The following CERS6 variants were observed in gnomAD, a reference collection of about 807,000 sequenced individuals.
CERS6 encodes the protein LAG1 homolog, ceramide synthase 6.
A neutral mutation model predicts 56.8 loss-of-function variants in CERS6; 26 were observed. The observed-to-expected ratio is 0.46, with a 90% confidence interval of 0.34 to 0.63. The LOEUF is 0.63. Among genes scored for constraint, CERS6 ranks in the 30% least tolerant of loss-of-function variants. The pLI is 0.01. For synonymous variants in CERS6, 164 were observed against 173.3 expected, an observed-to-expected ratio of 0.95 and a Z score of 0.42; for missense variants, 415 against 467.5, an observed-to-expected ratio of 0.89 and a Z score of 1.04.
chr2:168,734,336 C>G (rs960307082), intron 8 of CERS6, among the ~76,000 whole-genome samples: 1 of 152,218 alleles, frequency 6.6e-6, no homozygotes, highest in African/African-American at 2.4e-5. Flanking sequence ...GGGGCAGATT[C>G]TGAGGGCACT....
intron 3 of CERS6, among the ~76,000 whole-genome samples, chr2:168,581,926 C>T (rs967939158): frequency 2.0e-5 from 3 of 152,280 alleles, no homozygotes; most frequent in Non-Finnish European, 2.9e-5. Flanking sequence ...CCGGCATGGA[C>T]GATACCCCAG....
At chr2:168,616,281 T>G (rs1166960687) in intron 3 of CERS6, among the ~76,000 whole-genome samples, 1 of 151,736 alleles carries the variant, frequency 6.6e-6, no homozygotes, top group African/African-American at 2.4e-5. Flanking sequence ...AAAGCATAAA[T>G]CTCACAGGAT....
At chr2:168,554,274 C>G (rs1360606516) in intron 2 of CERS6, among the ~76,000 whole-genome samples, 1 of 152,066 alleles carries the variant, frequency 6.6e-6, no homozygotes, top group Non-Finnish European at 1.5e-5. Flanking sequence ...CTTAATTCAT[C>G]TAATAAAAAC....
At chr2:168,664,233 C>G (rs1341773260) in intron 4 of CERS6, among the ~76,000 whole-genome samples, 2 of 152,160 alleles carry the variant, frequency 1.3e-5, no homozygotes, top group Admixed American at 6.5e-5. Flanking sequence ...TGGGGAAGGC[C>G]TTCTGGGTAG....
chr2:168,491,323 C>T (rs1209354147), intron 1 of CERS6, among the ~76,000 whole-genome samples: 1 of 152,220 alleles, frequency 6.6e-6, no homozygotes, highest in Non-Finnish European at 1.5e-5. Flanking sequence ...GGCTGTTTTT[C>T]ATTAAAAGCA....
Position 168,520,299 on chromosome 2 carries a change from G to A in CERS6, c.171-27297G>A, listed in dbSNP as rs114008408. 2.0e-3 allele frequency among the ~76,000 whole-genome samples: 308 copies of A among 152,134 alleles called. 1 individual carries two copies. The highest frequency in any genetic ancestry group is 6.8e-3 in the Middle Eastern group (2 of 294). ...GGTTGTTTTATTTTCTCGTTGATTC[G>A]TTTAAGTTCCTTATAGATTCTGGAT... On this transcript the variant is annotated intron_variant, in intron 1 of 9. Transcript: ENST00000305747.
At chr2:168,614,184 T>G (rs1372096012) in intron 3 of CERS6, among the ~76,000 whole-genome samples, 2 of 152,248 alleles carry the variant, frequency 1.3e-5, no homozygotes, top group African/African-American at 4.8e-5. Flanking sequence ...CAACTACATT[T>G]GTTTTCAATT....
intron 3 of CERS6, among the ~76,000 whole-genome samples, chr2:168,562,707 G>A (rs1199023049): frequency 3.3e-5 from 5 of 152,204 alleles, no homozygotes; most frequent in African/African-American, 1.2e-4. Flanking sequence ...CAAATGTATA[G>A]TCGGGTTTTA....
intron 3 of CERS6, among the ~76,000 whole-genome samples, chr2:168,625,136 A>G (rs960941583): frequency 1.3e-5 from 2 of 152,204 alleles, no homozygotes; most frequent in African/African-American, 2.4e-5. Context: ...TTTTATTTAG[A>G]TGATGGAAAA....
intron 3 of CERS6, among the ~76,000 whole-genome samples, chr2:168,562,239 A>T (rs1423042906): frequency 6.6e-6 from 1 of 152,130 alleles, no homozygotes; most frequent in Non-Finnish European, 1.5e-5. Flanking sequence ...ATGTGAAAAA[A>T]GTGTTTCAGT....
At chr2:168,652,088 TA>T (rs916602223) in intron 4 of CERS6, among the ~76,000 whole-genome samples, 312 of 140,726 alleles carry the variant, frequency 2.2e-3, no homozygotes, top group Admixed American at 3.0e-3. Context: ...CCTTAAGACT[TA>T]AAAAAAAAAA....
intron 3 of CERS6, among the ~76,000 whole-genome samples, chr2:168,583,452 T>C (rs939009370): frequency 5.9e-5 from 9 of 152,228 alleles, no homozygotes; most frequent in Non-Finnish European, 1.3e-4. Flanking sequence ...ACAGAATCTT[T>C]TTAGCTTTCC....
intron 8 of CERS6, among the ~76,000 whole-genome samples, chr2:168,764,732 T>C (rs1208064804): frequency 6.6e-6 from 1 of 152,204 alleles, no homozygotes; most frequent in Non-Finnish European, 1.5e-5. Flanking sequence ...CGCGCTTATT[T>C]AAAGCCCAAA....
intron 1 of CERS6, among the ~76,000 whole-genome samples, chr2:168,492,779 T>C (rs1323790225): frequency 6.6e-6 from 1 of 152,092 alleles, no homozygotes; most frequent in Non-Finnish European, 1.5e-5. Context: ...GTTTCTTTTA[T>C]TGGGAGAGGA....
intron 4 of CERS6, among the ~76,000 whole-genome samples, chr2:168,645,117 ATATATATATAT>A (rs1685151676): frequency 2.2e-4 from 3 of 13,366 alleles, no homozygotes; most frequent in South Asian, 4.6e-3. Context: ...AAAAAAAAAA[ATATATATATAT>A]ATATATATAT....
Position 168,752,639 on chromosome 2 carries a change from C to A in CERS6, c.846-12953C>A, listed in dbSNP as rs1208359729. On this transcript the variant is annotated intron_variant, in intron 8 of 9. Transcript: ENST00000305747. Reference sequence around the variant, plus strand: ...CACGTAGCTGGCAGCTACAGTATACCTAAACTGAGGGCTTGCTAAGCGATC... The same window carrying A: ...CACGTAGCTGGCAGCTACAGTATACATAAACTGAGGGCTTGCTAAGCGATC... Among the ~76,000 whole-genome samples, 5 of 152,132 alleles carry A rather than the reference C, an allele frequency of 3.3e-5. No individual in the cohort carries two copies. In the East Asian group the frequency reaches 9.6e-4, roughly 29 times the overall value.
At chr2:168,644,821 C>T (rs1332152593) in intron 4 of CERS6, among the ~76,000 whole-genome samples, 4 of 151,674 alleles carry the variant, frequency 2.6e-5, no homozygotes, top group Admixed American at 2.0e-4. Flanking sequence ...AGGCTGGGCG[C>T]GGTGGCTCAT....
chr2:168,530,474 G>A (rs565062140), intron 1 of CERS6, among the ~76,000 whole-genome samples: 8 of 152,178 alleles, frequency 5.3e-5, no homozygotes, highest in Middle Eastern at 3.4e-3. Flanking sequence ...GGGTATTTTC[G>A]TATATAAATA....
intron 4 of CERS6, chr2:168,644,121 CTTGCA>C (rs1685115091): frequency 3.1e-5 from 31 of 984,776 alleles, no homozygotes; most frequent in Non-Finnish European, 3.7e-5. Context: ...ATATGACTTG[CTTGCA>C]AGTATTTTTG....
Sources: allele counts gnomAD v4.1 joint callset (sites outside exome capture counted in the v4.1 genomes callset), GRCh38; gene constraint gnomAD v4.1.1; transcripts MANE v1.5; gene names NCBI Gene and HGNC (gene_info 2026-07-23, HGNC 2026-07-21).